PLCB4: variants seen among roughly 807,000 people sequenced by gnomAD.
PLCB4 encodes the protein 1-phosphatidylinositol 4,5-bisphosphate phosphodiesterase beta-4.
PLCB4 carries 77 observed loss-of-function variants against 178.8 expected under a neutral mutation model. That is an observed-to-expected ratio of 0.43 (90% CI 0.36 to 0.52). The LOEUF (loss-of-function observed/expected upper bound fraction) is 0.52. Among genes scored for constraint, PLCB4 ranks in the 20% least tolerant of loss-of-function variants. The pLI is 0.00. For synonymous variants in PLCB4, 496 were observed against 490.8 expected, an observed-to-expected ratio of 1.01 and a Z score of -0.14; for missense variants, 1,024 against 1,453.4, an observed-to-expected ratio of 0.70 and a Z score of 4.80.
chr20:9,463,401 A>T (rs1170194218), intron 35 of PLCB4, among the ~76,000 whole-genome samples: 2 of 152,120 alleles, frequency 1.3e-5, no homozygotes, highest in African/African-American at 4.8e-5. Flanking sequence ...GACAGGATCA[A>T]ATTCACATAT....
At chr20:9,221,192 T>C (rs895266964) in intron 3 of PLCB4, among the ~76,000 whole-genome samples, 1 of 151,422 alleles carries the variant, frequency 6.6e-6, no homozygotes, top group Non-Finnish European at 1.5e-5. Flanking sequence ...GGGGGCAGAG[T>C]TGGGGGGTGC....
intron 3 of PLCB4, among the ~76,000 whole-genome samples, chr20:9,231,041 C>T (rs968438981): frequency 1.3e-5 from 2 of 152,136 alleles, no homozygotes; most frequent in African/African-American, 4.8e-5. Flanking sequence ...AAAGGAATTA[C>T]AAGCGTATTT....
chr20:9,105,489 C>A (rs550888344), intron 2 of PLCB4, among the ~76,000 whole-genome samples: 1 of 152,116 alleles, frequency 6.6e-6, no homozygotes, highest in South Asian at 2.1e-4. Context: ...CAAAGTGCAT[C>A]TGGAAGTATG....
At chr20:9,280,674 T>C (rs189854037) in intron 3 of PLCB4, among the ~76,000 whole-genome samples, 1 of 151,994 alleles carries the variant, frequency 6.6e-6, no homozygotes, top group African/African-American at 2.4e-5. Flanking sequence ...GCATCAGCTC[T>C]TCTTGTCTTT....
chr20:9,166,121 A>T (rs13037277), intron 2 of PLCB4, among the ~76,000 whole-genome samples: 1 of 152,194 alleles, frequency 6.6e-6, no homozygotes, highest in South Asian at 2.1e-4. Context: ...TAACCAAGTT[A>T]CTACATTTCC....
intron 19 of PLCB4, among the ~76,000 whole-genome samples, chr20:9,399,835 T>G (rs2038896470): frequency 6.6e-6 from 1 of 152,198 alleles, no homozygotes; most frequent in African/African-American, 2.4e-5. Flanking sequence ...AAATGAAAAT[T>G]TAATAGTGAC....
intron 2 of PLCB4, among the ~76,000 whole-genome samples, chr20:9,210,408 A>G (rs889726139): frequency 6.6e-6 from 1 of 152,158 alleles, no homozygotes; most frequent in Non-Finnish European, 1.5e-5. Context: ...CCTCCCTTCC[A>G]TGCTTATACA....
intron 7 of PLCB4, among the ~76,000 whole-genome samples, chr20:9,343,692 T>G (rs755836915): frequency 6.6e-6 from 1 of 152,224 alleles, no homozygotes; most frequent in Non-Finnish European, 1.5e-5. Context: ...CAGTTCTATA[T>G]ACCTTTCTCC....
chr20:9,336,709 T>C (rs2148057228), intron 4 of PLCB4, among the ~76,000 whole-genome samples: 1 of 149,350 alleles, frequency 6.7e-6, no homozygotes, highest in African/African-American at 2.5e-5. Flanking sequence ...TCAGCAAATA[T>C]CTGAATGCTA....
chr20:9,202,505 G>C (rs1231569108), intron 2 of PLCB4, among the ~76,000 whole-genome samples: 1 of 152,092 alleles, frequency 6.6e-6, no homozygotes, highest in Non-Finnish European at 1.5e-5. Context: ...TTTTACTTTA[G>C]TTGCCGTGGT....
chr20:9,466,855 G>A (rs2043820970), intron 35 of PLCB4, among the ~76,000 whole-genome samples: 1 of 152,200 alleles, frequency 6.6e-6, no homozygotes, highest in Non-Finnish European at 1.5e-5. Flanking sequence ...TTCAACGATT[G>A]TGGAAGACAG....
chr20:9,431,851 C>T (rs928642779), intron 28 of PLCB4, among the ~76,000 whole-genome samples: 2 of 152,070 alleles, frequency 1.3e-5, no homozygotes, highest in Non-Finnish European at 2.9e-5. Context: ...CATCATTCTT[C>T]AATAACTATT....
intron 21 of PLCB4, among the ~76,000 whole-genome samples, 187 bp downstream of exon 21, chr20:9,405,535 A>T (rs2039373408): frequency 6.6e-6 from 1 of 152,232 alleles, no homozygotes; most frequent in East Asian, 1.9e-4. Flanking sequence ...CTTCACTGGA[A>T]TTAGAGATTT....
chr20:9,290,942 A>C (rs1245546767), intron 3 of PLCB4, among the ~76,000 whole-genome samples: 2 of 152,162 alleles, frequency 1.3e-5, no homozygotes, highest in Non-Finnish European at 2.9e-5. Flanking sequence ...AGACAAGGAT[A>C]CTAAGACTCA....
intron 4 of PLCB4, among the ~76,000 whole-genome samples, chr20:9,312,388 A>G (rs75098704): frequency 6.8e-6 from 1 of 146,026 alleles, no homozygotes; most frequent in African/African-American, 2.6e-5. Flanking sequence ...ACACACACAC[A>G]CACACACACG....
chr20:9,203,056 A>ATATATAT (rs1555875421), intron 2 of PLCB4, among the ~76,000 whole-genome samples: 20 of 126,142 alleles, frequency 1.6e-4, no homozygotes, highest in African/African-American at 6.0e-4. Context: ...AAAAAAAAAA[A>ATATATAT]ATATATATAT....
intron 2 of PLCB4, among the ~76,000 whole-genome samples, chr20:9,184,851 C>T (rs1474718347): frequency 6.6e-6 from 1 of 152,114 alleles, no homozygotes; most frequent in Non-Finnish European, 1.5e-5. Flanking sequence ...TTTGTTGGGA[C>T]AGAACCACAC....
chr20:9,478,858 G>A (rs1165108238), intron 39 of PLCB4, 63 bp from the exon 40 acceptor site: 2 of 1,182,736 alleles, frequency 1.7e-6, no homozygotes, highest in Non-Finnish European at 2.5e-6. Flanking sequence ...GAGAGGCCAG[G>A]GTTGTTAAGT....
intron 3 of PLCB4, among the ~76,000 whole-genome samples, chr20:9,264,427 G>A (rs1248468521): frequency 6.6e-6 from 1 of 152,162 alleles, no homozygotes; most frequent in Non-Finnish European, 1.5e-5. Context: ...TAATAGAAGT[G>A]ATCAGATGGA....
Sources: gnomAD v4.1 joint callset for allele counts (sites outside exome capture counted in the v4.1 genomes callset) on GRCh38, gnomAD v4.1.1 for gene constraint, MANE v1.5 for transcripts, NCBI Gene and HGNC (gene_info 2026-07-23, HGNC 2026-07-21) for gene names.